SLC1A7: variants seen among roughly 807,000 people sequenced by gnomAD.
SLC1A7 encodes the protein excitatory amino acid transporter 5.
Under a neutral mutation model 47.7 loss-of-function variants are expected in SLC1A7, and 40 were observed. That is an observed-to-expected ratio of 0.84 (90% CI 0.65 to 1.09). SLC1A7 has a LOEUF of 1.09. Ranked by LOEUF, SLC1A7 falls within the 50% of genes least tolerant of loss-of-function variation. The pLI, the probability that SLC1A7 is intolerant of heterozygous loss-of-function variation, is 0.00. For missense variants in SLC1A7, 746 were observed against 769.5 expected (o/e 0.97, Z 0.36); for synonymous variants, 323 against 325.6 (o/e 0.99, Z 0.09).
In SLC1A7 at chr1:53,134,418, G is replaced by A. The variant is rs765418957; in HGVS notation, c.147C>T (p.Tyr49=). The change falls in exon 2 of 11, where the codon TAC becomes TAT. Residue 49 remains tyrosine (Y), a synonymous_variant. Coordinates refer to ENST00000371494, the MANE Select transcript of SLC1A7 (RefSeq NM_006671.6). ...TRRLSPQEIS[Y]FQFPGELLMR... ...TCAGGAGCTCTCCAGGGAACTGGAA[G>A]TAACTAATTTCCTGAAAACACAGTA... 1 of 1,611,220 alleles carries A rather than the reference G, an allele frequency of 6.2e-7. No individual in the cohort carries two copies. Among genetic ancestry groups the A allele is most frequent in the East Asian group, 2.2e-5 (1 of 44,870 alleles).
At chr1:53,122,373 A>C (rs767416256) in intron 2 of SLC1A7, among the ~76,000 whole-genome samples, 46 of 152,190 alleles carry the variant, frequency 3.0e-4, no homozygotes, top group Non-Finnish European at 5.1e-4. Context: ...GGCTCTCCCC[A>C]GCTGGCCCTG....
intron 2 of SLC1A7, among the ~76,000 whole-genome samples, chr1:53,118,815 C>T (rs574583337): frequency 7.9e-5 from 12 of 152,136 alleles, no homozygotes; most frequent in African/African-American, 2.7e-4. Context: ...CTGACCAACA[C>T]GGTGAAGCCC....
At chr1:53,126,732 C>T (rs1465344256) in intron 2 of SLC1A7, among the ~76,000 whole-genome samples, 5 of 152,194 alleles carry the variant, frequency 3.3e-5, no homozygotes, top group East Asian at 1.9e-4. Context: ...GACCTCACCT[C>T]ACATCTGGTG....
At chr1:53,095,042 G>A (rs973875125) in intron 5 of SLC1A7, among the ~76,000 whole-genome samples, 9 of 152,196 alleles carry the variant, frequency 5.9e-5, no homozygotes, top group Non-Finnish European at 1.0e-4. Context: ...GGCACCGGCA[G>A]ATGTGGACAC....
intron 4 of SLC1A7, 120 bp from the exon 5 acceptor site, chr1:53,103,688 C>G (rs766219648): frequency 4.9e-6 from 3 of 607,256 alleles, no homozygotes; most frequent in Non-Finnish European, 8.4e-6. Context: ...ATTTGATTGA[C>G]AGTAACCCTG....
intron 2 of SLC1A7, among the ~76,000 whole-genome samples, chr1:53,123,913 C>CTG (rs1203050521): frequency 6.6e-6 from 1 of 152,228 alleles, no homozygotes; most frequent in Non-Finnish European, 1.5e-5. Flanking sequence ...ACTGTGGCTA[C>CTG]CCCCTGACTC....
chr1:53,140,563 G>A (rs1051660048), intron 1 of SLC1A7, among the ~76,000 whole-genome samples: 1 of 152,202 alleles, frequency 6.6e-6, no homozygotes, highest in Admixed American at 6.5e-5. Flanking sequence ...GCAGCCAGCA[G>A]CGGGGTTACA....
At chr1:53,103,300 G>A in intron 5 of SLC1A7, 46 bp downstream of exon 5, 2 of 1,431,910 alleles carry the variant, frequency 1.4e-6, no homozygotes, top group Non-Finnish European at 1.9e-6. Flanking sequence ...GGGAGGGGCT[G>A]GGGGCCCGGC....
intron 3 of SLC1A7, among the ~76,000 whole-genome samples, chr1:53,113,429 T>C (rs2150331826): frequency 6.6e-6 from 1 of 151,970 alleles, no homozygotes; most frequent in East Asian, 1.9e-4. Flanking sequence ...CCAGGATGCC[T>C]GCACCTGCTC....
At chr1:53,091,074 G>T in intron 7 of SLC1A7, 1 of 955,960 alleles carries the variant, frequency 1.0e-6, no homozygotes, top group Non-Finnish European at 1.5e-6. Context: ...TGTGCCGAGG[G>T]ATATGGAGGT....
rs1477643622 is a variant in SLC1A7, at chr1:53,142,627, A to T, written c.-178T>A. 1 of 611,106 alleles carries T rather than the reference A, an allele frequency of 1.6e-6. No individual in the cohort carries two copies. The highest frequency in any genetic ancestry group is 2.9e-5 in the East Asian group (1 of 34,384). The allele number at this position is 611,106 out of a possible 1,614,324, so 37.9% of individuals were successfully genotyped here. On this transcript the variant is annotated 5_prime_UTR_variant, in exon 1 of 11. Coordinates refer to ENST00000371494, the MANE Select transcript of SLC1A7 (RefSeq NM_006671.6). ...TGTGGCCGCCTTAGAGGGAAGCCAC[A>T]ATCCTATTACCAGCTGCATCATTAG...
chr1:53,094,754 C>T (rs1011292651), intron 5 of SLC1A7, among the ~76,000 whole-genome samples: 2 of 152,214 alleles, frequency 1.3e-5, no homozygotes, highest in African/African-American at 2.4e-5. Context: ...CCACCACCAC[C>T]ACGCACGGGC....
intron 2 of SLC1A7, among the ~76,000 whole-genome samples, chr1:53,122,740 C>T (rs1002876351): frequency 1.1e-4 from 17 of 152,138 alleles, no homozygotes; most frequent in Admixed American, 6.5e-5. Context: ...GGACAGAGCA[C>T]TCACTACCTT....
In SLC1A7 at chr1:53,090,162, C is replaced by A. The variant is rs555179330; in HGVS notation, c.1227-228G>T. On this transcript the variant is annotated intron_variant, in intron 8 of 10. Transcript: ENST00000371494. ...CTCAGGAGAATCCCTGGGAACTGTGCAAACACCTGTGTCTGGAGCTGTGCC... is the reference window on the plus strand; with the variant it reads ...CTCAGGAGAATCCCTGGGAACTGTGAAAACACCTGTGTCTGGAGCTGTGCC... 6.3e-4 allele frequency: 384 copies of A among 606,454 alleles called. 1 individual carries two copies. Among genetic ancestry groups the A allele is most frequent in the Non-Finnish European group, 1.1e-4 (38 of 339,768 alleles). 37.6% of individuals were successfully genotyped at this position (606,454 alleles called of 1,614,324 possible). A position where few individuals can be genotyped will look rare whatever the true frequency, so the allele number is the denominator to read the frequency against.
At chr1:53,103,918 C>T (rs1644611894) in intron 4 of SLC1A7, among the ~76,000 whole-genome samples, 1 of 152,126 alleles carries the variant, frequency 6.6e-6, no homozygotes. Context: ...CCCAATCATC[C>T]AGTATCCATC....
chr1:53,136,265 C>T (rs1644993164), intron 1 of SLC1A7, among the ~76,000 whole-genome samples: 2 of 148,202 alleles, frequency 1.3e-5, no homozygotes, highest in South Asian at 4.2e-4. Context: ...GCCATCTCGG[C>T]TCACTGCAAC....
chr1:53,091,223 T>C (rs947171948), intron 7 of SLC1A7, among the ~76,000 whole-genome samples: 1 of 152,236 alleles, frequency 6.6e-6, no homozygotes, highest in Non-Finnish European at 1.5e-5. Flanking sequence ...CTAGGAGGAT[T>C]AAACGACTAC....
chr1:53,116,023 T>A (rs559850019), intron 2 of SLC1A7: 17 of 152,344 alleles, frequency 1.1e-4, no homozygotes, highest in Non-Finnish European at 2.4e-4. Flanking sequence ...CAAAGCCCTT[T>A]CATTCTTTCA....
At chr1:53,136,029 A>G (rs11206107) in intron 1 of SLC1A7, among the ~76,000 whole-genome samples, 93,902 of 151,502 alleles carry the variant, frequency 0.62, 29,436 homozygotes, top group Middle Eastern at 0.81. Context: ...GCTGAACCGC[A>G]AAAGGGAGGT....
Sources: allele counts gnomAD v4.1 joint callset (sites outside exome capture counted in the v4.1 genomes callset), GRCh38; gene constraint gnomAD v4.1.1; transcripts MANE v1.5; gene names NCBI Gene and HGNC (gene_info 2026-07-23, HGNC 2026-07-21).